The following ADAMTS6 variants were observed in gnomAD, a reference collection of about 807,000 sequenced individuals.
The protein encoded by ADAMTS6 is ADAM metallopeptidase with thrombospondin type 1 motif 6.
Under a neutral mutation model 144.3 loss-of-function variants are expected in ADAMTS6, and 23 were observed. That is an observed-to-expected ratio of 0.16 (90% CI 0.11 to 0.23). The LOEUF (loss-of-function observed/expected upper bound fraction) is 0.23, where lower values mean the gene tolerates loss of function less well. Among genes scored for constraint, ADAMTS6 ranks in the 10% least tolerant of loss-of-function variants. The probability of loss-of-function intolerance (pLI) is 1.00; values close to 1 mark genes in which losing one functional copy is unlikely to be tolerated. For synonymous variants in ADAMTS6, 444 were observed against 457.5 expected (o/e 0.97, Z 0.38); for missense variants, 999 against 1,379.6 (o/e 0.72, Z 4.37).
intron 24 of ADAMTS6, among the ~76,000 whole-genome samples, chr5:65,155,719 G>A (rs1172687048): frequency 6.6e-6 from 1 of 152,138 alleles, no homozygotes; most frequent in Admixed American, 6.5e-5. Context: ...TCTGACTCCA[G>A]AGCCATTCTA....
chr5:65,408,043 A>T (rs1754716195), intron 7 of ADAMTS6, among the ~76,000 whole-genome samples: 1 of 152,232 alleles, frequency 6.6e-6, no homozygotes, highest in African/African-American at 2.4e-5. Context: ...CTGAAAAATC[A>T]TGCCAAAATT....
At chr5:65,257,540 C>T (rs1013144632) in intron 14 of ADAMTS6, among the ~76,000 whole-genome samples, 3 of 152,134 alleles carry the variant, frequency 2.0e-5, no homozygotes, top group Admixed American at 6.5e-5. Flanking sequence ...ATCATTCTTA[C>T]CAATATCCTT....
chr5:65,415,114 A>C (rs1308421315), intron 7 of ADAMTS6, among the ~76,000 whole-genome samples: 1 of 152,250 alleles, frequency 6.6e-6, no homozygotes, highest in Non-Finnish European at 1.5e-5. Context: ...AATTTATTTA[A>C]AAAACTATTA....
chr5:65,157,767 G>A (rs1281061758), intron 24 of ADAMTS6, among the ~76,000 whole-genome samples: 1 of 151,332 alleles, frequency 6.6e-6, no homozygotes, highest in East Asian at 1.9e-4. Flanking sequence ...TGAACTCAGT[G>A]TACTTCTCCT....
intron 7 of ADAMTS6, among the ~76,000 whole-genome samples, chr5:65,395,426 A>G (rs1009681883): frequency 6.6e-6 from 1 of 152,188 alleles, no homozygotes; most frequent in African/African-American, 2.4e-5. Flanking sequence ...TTTTTTTAAC[A>G]CAACACTGTT....
chr5:65,235,933 G>A (rs1758637252), intron 15 of ADAMTS6, among the ~76,000 whole-genome samples: 1 of 152,150 alleles, frequency 6.6e-6, no homozygotes, highest in Non-Finnish European at 1.5e-5. Context: ...AATTCACTTT[G>A]CATGAAATTA....
At chr5:65,453,463 A>C (rs1205192083) in intron 4 of ADAMTS6, among the ~76,000 whole-genome samples, 2 of 152,226 alleles carry the variant, frequency 1.3e-5, no homozygotes, top group African/African-American at 4.8e-5. Context: ...TTTTTCACTT[A>C]GGTTGGCAGT....
chr5:65,194,835 G>A (rs1561267852), intron 21 of ADAMTS6, among the ~76,000 whole-genome samples: 1 of 152,110 alleles, frequency 6.6e-6, no homozygotes, highest in African/African-American at 2.4e-5. Flanking sequence ...TAAGGAGATA[G>A]AAAGCTTAAT....
chr5:65,442,298 C>T (rs1439527428), intron 7 of ADAMTS6, among the ~76,000 whole-genome samples: 1 of 152,048 alleles, frequency 6.6e-6, no homozygotes. Context: ...CACTTCACCA[C>T]TTGGAAAAAA....
intron 22 of ADAMTS6, among the ~76,000 whole-genome samples, chr5:65,179,536 T>C (rs183073615): frequency 5.6e-4 from 86 of 152,296 alleles, no homozygotes; most frequent in African/African-American, 1.3e-3. Context: ...AGGAATAGGA[T>C]GTGGTTCTCT....
chr5:65,427,797 CAA>C (rs777288291), intron 7 of ADAMTS6, among the ~76,000 whole-genome samples: 1 of 87,344 alleles, frequency 1.1e-5, no homozygotes. Context: ...GACTCGGTCT[CAA>C]AAAAAAAAAA....
chr5:65,196,955 C>T (rs953923018), intron 21 of ADAMTS6, 67 bp downstream of exon 21: 2 of 1,545,798 alleles, frequency 1.3e-6, no homozygotes, highest in Non-Finnish European at 1.7e-6. Context: ...TATTTCCAAA[C>T]ATGAATACAT....
chr5:65,173,225 G>C (rs2112088245), intron 22 of ADAMTS6, among the ~76,000 whole-genome samples: 1 of 152,252 alleles, frequency 6.6e-6, no homozygotes, highest in South Asian at 2.1e-4. Flanking sequence ...TCCAACATTT[G>C]CTTTTCTTGG....
At chr5:65,414,765 G>A (rs1326453963) in intron 7 of ADAMTS6, among the ~76,000 whole-genome samples, 1 of 152,148 alleles carries the variant, frequency 6.6e-6, no homozygotes, top group Non-Finnish European at 1.5e-5. Context: ...TTGTGAAAAT[G>A]TGTTTTGTAT....
intron 20 of ADAMTS6, among the ~76,000 whole-genome samples, chr5:65,213,532 G>A (rs1756679065): frequency 6.6e-6 from 1 of 151,906 alleles, no homozygotes; most frequent in African/African-American, 2.4e-5. Context: ...CTACTCAGAA[G>A]GTTGAGGTGG....
Position 65,260,580 on chromosome 5 carries a change from C to A in ADAMTS6, c.1830+20G>T. 6.2e-7 allele frequency: 1 copy of A among 1,608,418 alleles called. No homozygotes were observed. The highest frequency in any genetic ancestry group is 1.1e-5 in the South Asian group (1 of 89,860). On this transcript the variant is annotated intron_variant, in intron 14 of 24. Transcript: ENST00000381055. ...GAAAGAGTAAGCTAATTTTTCATAA[C>A]AGAGTTTGGTTTTACTTACATCTGT...
chr5:65,207,658 T>G (rs1756204078), intron 20 of ADAMTS6, among the ~76,000 whole-genome samples: 1 of 152,028 alleles, frequency 6.6e-6, no homozygotes, highest in African/African-American at 2.4e-5. Flanking sequence ...CTGCAAAGAT[T>G]CATTCTCTTA....
chr5:65,410,802 A>T (rs986781635), intron 7 of ADAMTS6, among the ~76,000 whole-genome samples: 8 of 152,156 alleles, frequency 5.3e-5, no homozygotes, highest in African/African-American at 1.9e-4. Flanking sequence ...GGCTTCCTTA[A>T]TACAATGTCC....
In ADAMTS6 at chr5:65,154,228, A is replaced by C. The variant is rs192559587; in HGVS notation, c.3245-2283T>G. Among the ~76,000 whole-genome samples, 4 of 152,276 alleles carry C rather than the reference A, an allele frequency of 2.6e-5. No individual in the cohort carries two copies. The East Asian group carries it at 7.7e-4, about 29-fold the overall frequency. ...GTCTCAAAAAACAAACAAACAAACA[A>C]AAAACTCAAATATGAATAGTCAGGG... On this transcript the variant is annotated intron_variant, in intron 24 of 24. Coordinates refer to ENST00000381055, the MANE Select transcript of ADAMTS6 (RefSeq NM_197941.4).
Sources: gnomAD v4.1 joint callset for allele counts (sites outside exome capture counted in the v4.1 genomes callset) on GRCh38, gnomAD v4.1.1 for gene constraint, MANE v1.5 for transcripts, NCBI Gene and HGNC (gene_info 2026-07-23, HGNC 2026-07-21) for gene names.